Variants in THOC5 observed in about 807,000 individuals in gnomAD.
THOC5 encodes THO complex subunit 5.
THOC5 carries 43 observed loss-of-function variants against 92.9 expected under a neutral mutation model. The observed-to-expected ratio is 0.46, with a 90% CI of 0.36 to 0.60. The LOEUF (loss-of-function observed/expected upper bound fraction) is 0.60. THOC5 is among the 20% of genes least tolerant of loss of function. The pLI is 0.00. For missense variants in THOC5, 659 were observed against 849.4 expected (o/e 0.78, Z 2.79); for synonymous variants, 296 against 320.1 (o/e 0.92, Z 0.80).
intron 7 of THOC5, among the ~76,000 whole-genome samples, chr22:29,532,373 G>C (rs955963923): frequency 6.6e-6 from 1 of 152,036 alleles, no homozygotes; most frequent in African/African-American, 2.4e-5. Flanking sequence ...CATCAAATAA[G>C]AATAAACAGG....
intron 11 of THOC5, among the ~76,000 whole-genome samples, chr22:29,527,344 A>T (rs2063564289): frequency 6.6e-6 from 1 of 152,174 alleles, no homozygotes; most frequent in Non-Finnish European, 1.5e-5. Context: ...GATTGAGCCC[A>T]GGAGGTTGAA....
rs1202319712 is a variant in THOC5, at chr22:29,506,349, T to A, written c.*2108A>T. The A allele has an allele frequency of 2.0e-5, 3 of 152,196 alleles. No individual in the cohort carries two copies. Among genetic ancestry groups the A allele is most frequent in the Non-Finnish European group, 4.4e-5 (3 of 68,034 alleles). The allele number at this position is 152,196 out of a possible 1,614,324, so 9.4% of individuals were successfully genotyped here. A position where few individuals can be genotyped will look rare whatever the true frequency, so the allele number is the denominator to read the frequency against. ...AAGACTTCTCTTAATCAAATAATTA[T>A]ATTTTGAGGCACTTTTGTCATTACC... On this transcript the variant is annotated 3_prime_UTR_variant, in exon 20 of 20. Transcript: ENST00000490103.
At chr22:29,509,961 G>T (rs992231333) in intron 19 of THOC5, among the ~76,000 whole-genome samples, 2 of 152,188 alleles carry the variant, frequency 1.3e-5, no homozygotes, top group African/African-American at 4.8e-5. Flanking sequence ...AGGGAACAAG[G>T]GGGGATGTTC....
At chr22:29,528,500 G>A in intron 9 of THOC5, 34 bp from the exon 10 acceptor site, 4 of 1,611,370 alleles carry the variant, frequency 2.5e-6, no homozygotes, top group Non-Finnish European at 3.4e-6. Flanking sequence ...CTAGAGGTGA[G>A]GGGGCTCCAA....
chr22:29,537,886 T>C (rs74395461), intron 6 of THOC5, among the ~76,000 whole-genome samples: 30,157 of 152,150 alleles, frequency 0.2, 3,290 homozygotes, highest in East Asian at 0.43. Flanking sequence ...AGTGAAACTC[T>C]GTGTCAAAAA....
chr22:29,519,627 G>A (rs1330378293), intron 14 of THOC5, among the ~76,000 whole-genome samples: 2 of 148,604 alleles, frequency 1.3e-5, no homozygotes, highest in East Asian at 4.3e-4. Flanking sequence ...CAAAGGCCAT[G>A]ACAGGCCTTT....
At chr22:29,509,890 C>T (rs2063192014) in intron 19 of THOC5, among the ~76,000 whole-genome samples, 1 of 148,406 alleles carries the variant, frequency 6.7e-6, no homozygotes, top group African/African-American at 2.5e-5. Flanking sequence ...TAAGGCACTG[C>T]TTAGACTGAC....
intron 7 of THOC5, 127 bp downstream of exon 7, chr22:29,536,497 A>C: frequency 1.6e-6 from 1 of 625,828 alleles, no homozygotes; most frequent in African/African-American, 1.8e-5. Context: ...GTAGGGATGC[A>C]GACAAGGCCA....
chr22:29,530,764 T>C (rs2063637846), intron 8 of THOC5, among the ~76,000 whole-genome samples: 1 of 152,036 alleles, frequency 6.6e-6, no homozygotes, highest in African/African-American at 2.4e-5. Flanking sequence ...CCTCTGAGGG[T>C]CTAGCGTTGT....
At chr22:29,549,971 C>A (rs1019904058) in intron 1 of THOC5, among the ~76,000 whole-genome samples, 2 of 152,148 alleles carry the variant, frequency 1.3e-5, no homozygotes, top group Non-Finnish European at 2.9e-5. Context: ...GGGAATTTAT[C>A]TCTATGAATC....
chr22:29,546,258 G>C (rs2064016328), intron 2 of THOC5, among the ~76,000 whole-genome samples: 1 of 152,086 alleles, frequency 6.6e-6, no homozygotes, highest in Non-Finnish European at 1.5e-5. Context: ...TGGGCCTCTG[G>C]GCCTGTGAGG....
Position 29,519,102 on chromosome 22 carries a change from G to T in THOC5, c.1393C>A (p.His465Asn), listed in dbSNP as rs757421498. 81 of 1,610,602 alleles carry T rather than the reference G, an allele frequency of 5.0e-5. 1 individual carries two copies. The highest frequency in any genetic ancestry group is 6.9e-5 in the Non-Finnish European group (81 of 1,178,384). ...TCCATGTGGCTGGCGCTCAGCGAGT[G>T]GTCAGCAATCACTGTTTGCTGTGAG... ...EQPQQTVIAD[H>N]SLSASHMETT... The change falls in exon 15 of 20, where the codon CAC (histidine) becomes AAC (asparagine). Residue 465 changes from histidine to asparagine, a missense_variant. By Grantham distance (68) the His-to-Asn change is moderately conservative. Transcript: ENST00000490103.
chr22:29,528,837 G>GT, intron 9 of THOC5: 1 of 492,172 alleles, frequency 2.0e-6, no homozygotes, highest in Non-Finnish European at 3.6e-6. Context: ...GCTAAAGGCT[G>GT]TATGTGCATT....
In THOC5 at chr22:29,553,743, T is replaced by G. The variant is rs1383532820; in HGVS notation, c.-84A>C. ...CGGAGCAAAGCTTGCCCGCGCACCA[T>G]AGAGAACCGGAAGTAAGGAAGGGGC... On this transcript the variant is annotated 5_prime_UTR_variant, in exon 1 of 20. The change abolishes an upstream ATG in the 5' untranslated region. Transcript: ENST00000490103. The G allele has an allele frequency of 6.6e-6, 1 of 152,092 alleles. No homozygotes were observed. Among genetic ancestry groups the G allele is most frequent in the Non-Finnish European group, 1.5e-5 (1 of 68,060 alleles). The allele number at this position is 152,092 out of a possible 1,614,324, so 9.4% of individuals were successfully genotyped here.
chr22:29,522,194 CA>C (rs34045670), intron 12 of THOC5, among the ~76,000 whole-genome samples: 39,619 of 137,518 alleles, frequency 0.29, 5,751 homozygotes, highest in East Asian at 0.66. Context: ...GCTAAAAATA[CA>C]AAAAAAAAAA....
At chr22:29,519,520 T>G (rs2063397927) in intron 14 of THOC5, among the ~76,000 whole-genome samples, 1 of 152,122 alleles carries the variant, frequency 6.6e-6, no homozygotes, top group Non-Finnish European at 1.5e-5. Context: ...ATGCAAAAGG[T>G]ACGTAAACTC....
chr22:29,542,491 C>T (rs1408400873), intron 5 of THOC5, among the ~76,000 whole-genome samples: 3 of 152,120 alleles, frequency 2.0e-5, no homozygotes, highest in Non-Finnish European at 2.9e-5. Context: ...AGGCTGGGAG[C>T]GGTGGCTCAC....
chr22:29,537,707 T>C (rs1249585930), intron 6 of THOC5, among the ~76,000 whole-genome samples: 2 of 151,914 alleles, frequency 1.3e-5, no homozygotes, highest in Admixed American at 6.6e-5. Flanking sequence ...CTGGCCAACA[T>C]GGTGAAACCC....
intron 1 of THOC5, among the ~76,000 whole-genome samples, chr22:29,552,963 ATG>A (rs1394170352): frequency 1.3e-5 from 2 of 152,272 alleles, no homozygotes; most frequent in Non-Finnish European, 2.9e-5. Flanking sequence ...TCTCTGAAAC[ATG>A]TGCTGTGTCC....
Sources: allele counts gnomAD v4.1 joint callset (sites outside exome capture counted in the v4.1 genomes callset), GRCh38; gene constraint gnomAD v4.1.1; transcripts MANE v1.5; gene names NCBI Gene and HGNC (gene_info 2026-07-23, HGNC 2026-07-21).